The following PPM1H variants were observed in gnomAD, a reference collection of about 807,000 sequenced individuals.
PPM1H encodes protein phosphatase, Mg2+/Mn2+ dependent 1H, also known as protein phosphatase 1H.
Under a neutral mutation model 54.9 loss-of-function variants are expected in PPM1H, and 27 were observed. That is an observed-to-expected ratio of 0.49 (90% CI 0.36 to 0.68). The LOEUF (loss-of-function observed/expected upper bound fraction) is 0.68, where lower values mean the gene tolerates loss of function less well. Among genes scored for constraint, PPM1H ranks in the 30% least tolerant of loss-of-function variants. The pLI is 0.00. For synonymous variants in PPM1H, 305 were observed against 270.8 expected (o/e 1.13, Z -1.24); for missense variants, 596 against 667.8 (o/e 0.89, Z 1.19).
chr12:62,655,731 AAGCTGTGTGTGGAGC>A (rs887078790), intron 9 of PPM1H, among the ~76,000 whole-genome samples: 2 of 152,156 alleles, frequency 1.3e-5, no homozygotes, highest in Non-Finnish European at 2.9e-5. Context: ...ATGCTTCTGG[AAGCTGTGTGTGGAGC>A]AGCCCTAGTG....
chr12:62,649,146 G>A (rs1227744640), intron 9 of PPM1H, among the ~76,000 whole-genome samples: 1 of 150,980 alleles, frequency 6.6e-6, no homozygotes, highest in African/African-American at 2.4e-5. Flanking sequence ...AAGGAAAAAT[G>A]TTAAAAATAA....
intron 1 of PPM1H, among the ~76,000 whole-genome samples, chr12:62,887,582 G>C (rs1372077511): frequency 6.6e-6 from 1 of 152,160 alleles, no homozygotes; most frequent in African/African-American, 2.4e-5. Flanking sequence ...ATATTATACT[G>C]AATCAGACAG....
chr12:62,876,536 G>A (rs1340517979), intron 1 of PPM1H, among the ~76,000 whole-genome samples: 1 of 152,188 alleles, frequency 6.6e-6, no homozygotes, highest in African/African-American at 2.4e-5. Flanking sequence ...CATGACACAC[G>A]AGGATGTTCA....
intron 6 of PPM1H, among the ~76,000 whole-genome samples, chr12:62,714,912 G>T (rs554584919): frequency 3.9e-5 from 6 of 152,304 alleles, no homozygotes; most frequent in South Asian, 4.1e-4. Flanking sequence ...CCCAGGAACA[G>T]CTGCTGGAGA....
intron 8 of PPM1H, among the ~76,000 whole-genome samples, chr12:62,676,350 G>C (rs1234025694): frequency 1.3e-5 from 2 of 151,538 alleles, no homozygotes; most frequent in Non-Finnish European, 2.9e-5. Flanking sequence ...GGCTGTAGCA[G>C]GGGTGGCACA....
chr12:62,720,562 T>G, intron 5 of PPM1H: 1 of 389,482 alleles, frequency 2.6e-6, no homozygotes, highest in Non-Finnish European at 4.7e-6. Context: ...AAGACTGAGC[T>G]TCTCTCTAAA....
chr12:62,703,975 CGTGTGTGTGTGTGT>C (rs4026211), intron 6 of PPM1H, among the ~76,000 whole-genome samples: 8 of 146,550 alleles, frequency 5.5e-5, no homozygotes, highest in African/African-American at 7.6e-5. Flanking sequence ...AGAGAGAAAG[CGTGTGTGTGTGTGT>C]GTGTGTGTGT....
Position 62,703,975 on chromosome 12 carries a change from CGTGTGTGTGTGTGTGT to C in PPM1H, c.1074-9992_1074-9977del, listed in dbSNP as rs4026211. Among the ~76,000 whole-genome samples the C allele has an allele frequency of 4.2e-4, 61 of 146,662 alleles. No individual in the cohort carries two copies. In the East Asian group the frequency reaches 5.7e-3, roughly 14 times the overall value. ...CTCACTACATGAAAGAGAGAGAAAG[CGTGTGTGTGTGTGTGT>C]GTGTGTGTGTGTGTGTGTGTGTGTC... On this transcript the variant is annotated intron_variant, in intron 6 of 9. Transcript: ENST00000228705.
intron 4 of PPM1H, among the ~76,000 whole-genome samples, chr12:62,772,694 A>T (rs1216565987): frequency 2.0e-5 from 3 of 152,152 alleles, no homozygotes; most frequent in African/African-American, 7.2e-5. Context: ...GATTCTGGAA[A>T]ACCACTTTCC....
At chr12:62,905,225 G>A (rs1871270332) in intron 1 of PPM1H, among the ~76,000 whole-genome samples, 2 of 152,212 alleles carry the variant, frequency 1.3e-5, no homozygotes, top group African/African-American at 4.8e-5. Context: ...AATAAAACTA[G>A]CACCTAGATT....
In PPM1H at chr12:62,934,655, C is replaced by G. The variant is rs756704143; in HGVS notation, c.82G>C (p.Gly28Arg). Reference protein sequence around the residue: ...AGSSGSEHGGGSCGGSDLPLR... With the variant: ...AGSSGSEHGGRSCGGSDLPLR... ...GGCAGGTCCGAGCCTCCGCAGCTGC[C>G]GCCGCCGTGCTCGGAGCCTGAGCTG... is the stretch of plus-strand genomic sequence containing the variant. The change falls in exon 1 of 10, where the codon GGC (glycine) becomes CGC (arginine). Residue 28 changes from glycine to arginine, a missense_variant. By Grantham distance (125) the Gly-to-Arg change is moderately radical. Coordinates refer to ENST00000228705, the MANE Select transcript of PPM1H (RefSeq NM_020700.2). The surrounding 1 kb of genome is among the most constrained non-coding windows in gnomAD (Gnocchi z 4.2). 6.3e-7 allele frequency: 1 copy of G among 1,597,472 alleles called. No individual in the cohort carries two copies. Among genetic ancestry groups the G allele is most frequent in the Non-Finnish European group, 8.5e-7 (1 of 1,173,576 alleles).
chr12:62,873,355 C>A (rs1390962080), intron 1 of PPM1H, among the ~76,000 whole-genome samples: 1 of 152,256 alleles, frequency 6.6e-6, no homozygotes. Context: ...AGTTCCAGAT[C>A]CTTCAGTTCC....
At chr12:62,823,648 C>T (rs940275564) in intron 2 of PPM1H, among the ~76,000 whole-genome samples, 6 of 152,120 alleles carry the variant, frequency 3.9e-5, no homozygotes, top group Non-Finnish European at 5.9e-5. Flanking sequence ...TGACAAAAAC[C>T]ACATGATTAT....
At chr12:62,817,151 C>CAAAAAAAAAAAAAAAAA (rs1565797674) in intron 2 of PPM1H, among the ~76,000 whole-genome samples, 2 of 58,924 alleles carry the variant, frequency 3.4e-5, no homozygotes, top group African/African-American at 6.9e-5. Flanking sequence ...AAAAAAAAAA[C>CAAAAAAAAAAAAAAAAA]TAAAAAAAAG....
In PPM1H at chr12:62,919,247, G is replaced by A. The variant is rs2121162908; in HGVS notation, c.245+15245C>T. Among the ~76,000 whole-genome samples the A allele has an allele frequency of 1.3e-5, 2 of 152,310 alleles. 1 individual carries two copies. Among genetic ancestry groups the A allele is most frequent in the Middle Eastern group, 6.8e-3 (2 of 294 alleles). ...GGGACGTTAAAATAGTGTTCCTGAG[G>A]AAGGTGCTACACTTCTGAAACCCAA... On this transcript the variant is annotated intron_variant, in intron 1 of 9. Coordinates refer to ENST00000228705, the MANE Select transcript of PPM1H (RefSeq NM_020700.2).
chr12:62,785,329 G>A (rs1254717291), intron 4 of PPM1H, among the ~76,000 whole-genome samples: 5 of 152,100 alleles, frequency 3.3e-5, no homozygotes, highest in African/African-American at 1.2e-4. Context: ...GGCGTGTGCC[G>A]CCACACCCGC....
rs866543114 is a variant in PPM1H, at chr12:62,683,087, T to A, written c.1245+6612A>T. Among the ~76,000 whole-genome samples, 3 of 137,918 alleles carry A rather than the reference T, an allele frequency of 2.2e-5. No homozygotes were observed. In the Admixed American group the frequency reaches 2.2e-4, roughly 10 times the overall value. The allele number at this position is 137,918 out of a possible 152,430, so 90.5% of individuals were successfully genotyped here. ...TATTATTATTATTATTATTATTATTTTTGTAGAGACAAGGTTTTCTCCATG... is the reference window on the plus strand; with the variant it reads ...TATTATTATTATTATTATTATTATTATTGTAGAGACAAGGTTTTCTCCATG... On this transcript the variant is annotated intron_variant, in intron 8 of 9. Transcript: ENST00000228705.
intron 1 of PPM1H, among the ~76,000 whole-genome samples, chr12:62,890,755 CAT>C (rs1183191864): frequency 0.011 from 1,230 of 115,182 alleles, 10 homozygotes; most frequent in Middle Eastern, 0.024. Flanking sequence ...CACACACACA[CAT>C]ATATATATAT....
intron 2 of PPM1H, among the ~76,000 whole-genome samples, chr12:62,817,128 A>G (rs1565797614): frequency 3.2e-5 from 4 of 123,684 alleles, no homozygotes; most frequent in African/African-American, 1.4e-4. Context: ...AAAAAAAAAA[A>G]AAAAAAAAGA....
Sources: allele counts gnomAD v4.1 joint callset (sites outside exome capture counted in the v4.1 genomes callset), GRCh38; gene constraint gnomAD v4.1.1; non-coding constraint Gnocchi (gnomAD v3.1); transcripts MANE v1.5; gene names NCBI Gene and HGNC (gene_info 2026-07-23, HGNC 2026-07-21).